HK1: variants seen among roughly 807,000 people sequenced by gnomAD.
HK1 encodes the protein hexokinase-1.
Under a neutral mutation model 91.6 loss-of-function variants are expected in HK1, and 28 were observed. The observed-to-expected ratio is 0.31, with a 90% CI of 0.23 to 0.42. HK1 has a LOEUF of 0.42. Among genes scored for constraint, HK1 ranks in the 10% least tolerant of loss-of-function variants. The probability of loss-of-function intolerance (pLI) is 1.00; values close to 1 mark genes in which losing one functional copy is unlikely to be tolerated. For synonymous variants in HK1, 430 were observed against 468.1 expected, an observed-to-expected ratio of 0.92 and a Z score of 1.05; for missense variants, 770 against 1,219.8, an observed-to-expected ratio of 0.63 and a Z score of 5.49.
At chr10:69,276,112 A>ATATATATAT (rs1564746747) in intron 1 of HK1, among the ~76,000 whole-genome samples, 6 of 42,592 alleles carry the variant, frequency 1.4e-4, no homozygotes, top group East Asian at 1.3e-3. Flanking sequence ...AAAAAAAAAA[A>ATATATATAT]AAAAAAATAC....
chr10:69,284,917 C>G (rs1044275688), intron 2 of HK1, among the ~76,000 whole-genome samples: 1 of 151,910 alleles, frequency 6.6e-6, no homozygotes, highest in African/African-American at 2.4e-5. Context: ...CCTGGGTTCA[C>G]GCCATTCTCC....
chr10:69,306,163 T>C (rs573120781), intron 5 of HK1, among the ~76,000 whole-genome samples: 2 of 151,904 alleles, frequency 1.3e-5, no homozygotes, highest in East Asian at 3.9e-4. Context: ...GAGACTATCC[T>C]GGCTAACAGT....
At chr10:69,320,537 G>A (rs774681795) in intron 1 of HK1, among the ~76,000 whole-genome samples, 3 of 152,156 alleles carry the variant, frequency 2.0e-5, no homozygotes, top group African/African-American at 4.8e-5. Flanking sequence ...TTCTCTAGTG[G>A]TGTTGTGCAT....
Position 69,401,236 on chromosome 10 carries a change from G to A in HK1, c.*101G>A, listed in dbSNP as rs1766443293. 3 of 1,416,982 alleles carry A rather than the reference G, an allele frequency of 2.1e-6. No homozygotes were observed. Among genetic ancestry groups the A allele is most frequent in the Non-Finnish European group, 1.9e-6 (2 of 1,035,084 alleles). 87.8% of individuals were successfully genotyped at this position (1,416,982 alleles called of 1,614,324 possible). ...TTGCGCTGGGAGACGCTGGCGCCAG[G>A]GCCTGCCGGCGCGGGGAGGAAAGCA... On this transcript the variant is annotated 3_prime_UTR_variant, in exon 18 of 18. Coordinates refer to ENST00000359426, the MANE Select transcript of HK1 (RefSeq NM_000188.3).
chr10:69,290,762 AG>A (rs1336353046), intron 3 of HK1, among the ~76,000 whole-genome samples: 3 of 152,110 alleles, frequency 2.0e-5, no homozygotes, highest in African/African-American at 7.2e-5. Flanking sequence ...AGCCTCTCAA[AG>A]TGCTGTGATT....
Position 69,344,273 on chromosome 10 carries a change from C to T in HK1, c.226+284C>T, listed in dbSNP as rs1358688812. 2.0e-5 allele frequency among the ~76,000 whole-genome samples: 3 copies of T among 152,182 alleles called. No individual in the cohort carries two copies. The East Asian group carries it at 5.8e-4, about 29-fold the overall frequency. ...GACCTGCTGTCATTGACTTTACTGT[C>T]TAGTGGCTTGTGATACTTTAGAAAG... On this transcript the variant is annotated intron_variant, in intron 2 of 17. Coordinates refer to ENST00000359426, the MANE Select transcript of HK1 (RefSeq NM_000188.3).
chr10:69,364,930 CT>C (rs1849622701), intron 4 of HK1, 28 bp downstream of exon 4: 1 of 1,613,710 alleles, frequency 6.2e-7, no homozygotes, highest in Non-Finnish European at 8.5e-7. Flanking sequence ...TTATCGGGCT[CT>C]GCAGATGCCC....
intron 9 of HK1, among the ~76,000 whole-genome samples, chr10:69,381,590 C>T (rs557182338): frequency 6.8e-6 from 1 of 146,304 alleles, no homozygotes; most frequent in African/African-American, 2.6e-5. Context: ...GCCCTGTTGC[C>T]CAGGCTGGAG....
intron 5 of HK1, chr10:69,300,866 G>T: frequency 1.4e-6 from 2 of 1,453,586 alleles, no homozygotes; most frequent in Non-Finnish European, 9.6e-7. Flanking sequence ...GATTTTGTAC[G>T]TAGAAAATCC....
At position 69,380,183 on chromosome 10, in the gene HK1, C is replaced by T. The variant is rs1332431444; in HGVS notation, c.1265+88C>T. On this transcript the variant is annotated intron_variant, in intron 9 of 17. Coordinates refer to ENST00000359426, the MANE Select transcript of HK1 (RefSeq NM_000188.3). The surrounding 1 kb of genome is among the most constrained non-coding windows in gnomAD (Gnocchi z 4.0). ...AGATCAGACTTTTGTACCCGGTAAACGTTTTTCGGCAGACAAGACAATGGT... is the reference window on the plus strand; with the variant it reads ...AGATCAGACTTTTGTACCCGGTAAATGTTTTTCGGCAGACAAGACAATGGT... 16 of 1,077,492 alleles carry T rather than the reference C, an allele frequency of 1.5e-5. No homozygotes were observed. The highest frequency in any genetic ancestry group is 2.5e-5 in the East Asian group (1 of 40,058). The allele number at this position is 1,077,492 out of a possible 1,614,324, so 66.7% of individuals were successfully genotyped here.
chr10:69,376,877 C>T, intron 7 of HK1, 57 bp from the exon 8 acceptor site: 7 of 1,605,638 alleles, frequency 4.4e-6, no homozygotes, highest in Non-Finnish European at 6.0e-6. Flanking sequence ...CTGTCCCAGC[C>T]CTCGTGTGTG....
intron 1 of HK1, among the ~76,000 whole-genome samples, chr10:69,327,628 C>T (rs2132610462): frequency 6.6e-6 from 1 of 152,258 alleles, no homozygotes. Flanking sequence ...TGTGCGTTTT[C>T]CCATATACGA....
At chr10:69,399,716 G>A (rs553071578) in intron 17 of HK1, among the ~76,000 whole-genome samples, 21 of 152,172 alleles carry the variant, frequency 1.4e-4, no homozygotes, top group African/African-American at 5.1e-4. Flanking sequence ...GTGATCCACC[G>A]CATGTCTCAC....
At position 69,382,651 on chromosome 10, in the gene HK1, TCCA is replaced by T; in HGVS notation, c.1433_1435del (p.His478del). The stretch of plus-strand genomic sequence containing the variant: ...CAGATAGAGGAGACCCTGGCTCATT[TCCA>T]CCTCACCAAGGACATGCTGCTGGAG... On this transcript the variant is annotated inframe_deletion, in exon 10 of 18. Coordinates refer to ENST00000359426, the MANE Select transcript of HK1 (RefSeq NM_000188.3). 1 of 1,614,138 alleles carries T rather than the reference TCCA, an allele frequency of 6.2e-7. No individual in the cohort carries two copies. Among genetic ancestry groups the T allele is most frequent in the Non-Finnish European group, 8.5e-7 (1 of 1,180,026 alleles).
intron 1 of HK1, among the ~76,000 whole-genome samples, chr10:69,327,179 C>T (rs369360547): frequency 4.6e-5 from 7 of 151,666 alleles, no homozygotes; most frequent in African/African-American, 1.7e-4. Context: ...TTAGTAGAGA[C>T]GGGGTTTCAC....
rs147563202 is a variant in HK1, at chr10:69,286,470, G to A, written c.-214-2201G>A. Among the ~76,000 whole-genome samples, 691 of 152,276 alleles carry A rather than the reference G, an allele frequency of 4.5e-3. 7 individuals are homozygous for A. The highest frequency in any genetic ancestry group is 0.016 in the African/African-American group (655 of 41,560). ...GATTGCACTACTGCACTCCAGCCCA[G>A]GTGACAGAGCAGGACGCTGTCTCAA... On this transcript the variant is annotated intron_variant, in intron 2 of 21. Coordinates refer to the HK1 transcript ENST00000360289.
chr10:69,359,332 G>T (rs1175108202), intron 2 of HK1, among the ~76,000 whole-genome samples: 6 of 152,180 alleles, frequency 3.9e-5, no homozygotes, highest in Admixed American at 3.9e-4. Context: ...CATTGTGAAT[G>T]TACTTAATGC....
chr10:69,350,729 T>G lies in HK1; in HGVS notation c.226+6740T>G, dbSNP rs191425556. Among the ~76,000 whole-genome samples, 6 of 152,156 alleles carry G rather than the reference T, an allele frequency of 3.9e-5. 1 individual carries two copies. The highest frequency in any genetic ancestry group is 1.4e-4 in the African/African-American group (6 of 41,546). On this transcript the variant is annotated intron_variant, in intron 2 of 17. Coordinates refer to ENST00000359426, the MANE Select transcript of HK1 (RefSeq NM_000188.3). ...GGTGAACATTAAAACAGCAAATTAA[T>G]TAAGTAAAATATTAAAATAAAAAGT...
chr10:69,392,730 GCAGCTCAGGTCTCAGGTA>G (rs984159432), intron 15 of HK1, among the ~76,000 whole-genome samples: 2 of 152,128 alleles, frequency 1.3e-5, no homozygotes, highest in Admixed American at 6.6e-5. Context: ...GTGGAGCTTT[GCAGCTCAGGTCTCAGGTA>G]CCATGTCTGA....
Sources: gnomAD v4.1 joint callset for allele counts (sites outside exome capture counted in the v4.1 genomes callset) on GRCh38, gnomAD v4.1.1 for gene constraint, Gnocchi (gnomAD v3.1) non-coding constraint, MANE v1.5 for transcripts, NCBI Gene and HGNC (gene_info 2026-07-23, HGNC 2026-07-21) for gene names.